The following PDGFRL variants were observed in gnomAD, a reference collection of about 807,000 sequenced individuals.
The protein encoded by PDGFRL is platelet derived growth factor receptor like.
A neutral mutation model predicts 37.2 loss-of-function variants in PDGFRL; 46 were observed. The observed-to-expected ratio is 1.24, with a 90% CI of 0.98 to 1.58. The LOEUF is 1.58. Ranked by LOEUF, PDGFRL falls within the 40% of genes most tolerant of loss-of-function variation. The probability of loss-of-function intolerance (pLI) is 0.00; values close to 1 mark genes in which losing one functional copy is unlikely to be tolerated. For synonymous variants in PDGFRL, 251 were observed against 184.3 expected (o/e 1.36, Z -2.93); for missense variants, 692 against 467.6 (o/e 1.48, Z -4.43).
chr8:17,591,040 G>A (rs3824325), intron 2 of PDGFRL, among the ~76,000 whole-genome samples: 83,630 of 151,776 alleles, frequency 0.55, 25,653 homozygotes, highest in East Asian at 0.77. Context: ...CTGCCACCAC[G>A]CCTGGCTAAT....
intron 2 of PDGFRL, among the ~76,000 whole-genome samples, chr8:17,607,440 C>G (rs1334256076): frequency 1.3e-5 from 2 of 152,168 alleles, no homozygotes; most frequent in Non-Finnish European, 2.9e-5. Context: ...TTCAACAAAA[C>G]ATTTCATTTC....
At chr8:17,619,014 G>A (rs533238528) in intron 2 of PDGFRL, among the ~76,000 whole-genome samples, 1 of 152,210 alleles carries the variant, frequency 6.6e-6, no homozygotes, top group Admixed American at 6.5e-5. Flanking sequence ...CAGAACTGGT[G>A]GACAAAACAA....
intron 2 of PDGFRL, among the ~76,000 whole-genome samples, chr8:17,601,165 A>T (rs1804158684): frequency 6.6e-6 from 1 of 152,176 alleles, no homozygotes; most frequent in South Asian, 2.1e-4. Flanking sequence ...CTATCTAAGC[A>T]TTTCTTGAAT....
chr8:17,607,945 G>A (rs926160672), intron 2 of PDGFRL, among the ~76,000 whole-genome samples: 1 of 152,192 alleles, frequency 6.6e-6, no homozygotes, highest in African/African-American at 2.4e-5. Context: ...TCCAGTGTCC[G>A]GGCTTGGCTG....
At position 17,629,424 on chromosome 8, in the gene PDGFRL, C is replaced by A. The variant is rs79057248; in HGVS notation, c.799+644C>A. ...AAACTCCTTTAGAGCATCCTCCCAG[C>A]CTCTTGGTCTAAACCCAAATCTGCT... On this transcript the variant is annotated intron_variant, in intron 4 of 5. Coordinates refer to ENST00000251630, the MANE Select transcript of PDGFRL (RefSeq NM_001372073.1). Among the ~76,000 whole-genome samples the A allele has an allele frequency of 1.1e-4, 17 of 152,232 alleles. No individual in the cohort carries two copies. In the East Asian group the frequency reaches 3.1e-3, roughly 28 times the overall value.
intron 2 of PDGFRL, among the ~76,000 whole-genome samples, chr8:17,609,698 C>G (rs916825742): frequency 6.7e-6 from 1 of 148,304 alleles, no homozygotes; most frequent in Non-Finnish European, 1.5e-5. Flanking sequence ...CAAACCTCCC[C>G]CAAAAGATTG....
At chr8:17,586,735 A>C (rs1803826189) in intron 1 of PDGFRL, among the ~76,000 whole-genome samples, 1 of 152,170 alleles carries the variant, frequency 6.6e-6, no homozygotes, top group Admixed American at 6.5e-5. Flanking sequence ...TTTAACTCCC[A>C]CAGTAATTAT....
intron 2 of PDGFRL, among the ~76,000 whole-genome samples, chr8:17,606,994 C>T (rs1375813282): frequency 3.4e-5 from 5 of 148,814 alleles, no homozygotes; most frequent in African/African-American, 1.0e-4. Flanking sequence ...CTCCCAGGTT[C>T]AAGCAATTCT....
intron 4 of PDGFRL, among the ~76,000 whole-genome samples, chr8:17,629,782 C>T (rs1405983142): frequency 1.3e-5 from 2 of 152,158 alleles, no homozygotes; most frequent in Non-Finnish European, 2.9e-5. Context: ...ACTGTGACAG[C>T]AACCACCGGG....
intron 4 of PDGFRL, among the ~76,000 whole-genome samples, chr8:17,629,243 C>G (rs535624644): frequency 6.6e-6 from 1 of 152,148 alleles, no homozygotes; most frequent in East Asian, 1.9e-4. Context: ...TTATGCCGTT[C>G]TTAAAGGCTT....
chr8:17,603,430 C>G (rs568509491), intron 2 of PDGFRL, among the ~76,000 whole-genome samples: 2 of 152,164 alleles, frequency 1.3e-5, no homozygotes, highest in Non-Finnish European at 2.9e-5. Context: ...CCCTTCGAGG[C>G]TAATATAAAC....
intron 2 of PDGFRL, among the ~76,000 whole-genome samples, chr8:17,618,916 C>T (rs76660690): frequency 7.7e-6 from 1 of 129,494 alleles, no homozygotes; most frequent in East Asian, 2.4e-4. Flanking sequence ...AGAGTCGATC[C>T]TAATTAGAAG....
At chr8:17,606,516 G>A (rs2517191) in intron 2 of PDGFRL, among the ~76,000 whole-genome samples, 1 of 152,108 alleles carries the variant, frequency 6.6e-6, no homozygotes, top group East Asian at 1.9e-4. Flanking sequence ...ATGACAAATA[G>A]GTGACCTAAC....
chr8:17,639,810 C>A lies in PDGFRL; in HGVS notation c.940-2803C>A, dbSNP rs975442021. On this transcript the variant is annotated intron_variant, in intron 5 of 5. Coordinates refer to ENST00000251630, the MANE Select transcript of PDGFRL (RefSeq NM_001372073.1). ...AGGTGTTCTTTGAGCTTCTTGTATT[C>A]AGATGTGTAGCTCTCTAGCAAGGCC... 2.0e-5 allele frequency among the ~76,000 whole-genome samples: 3 copies of A among 152,140 alleles called. No individual in the cohort carries two copies. The South Asian group carries it at 6.2e-4, about 31-fold the overall frequency.
intron 2 of PDGFRL, among the ~76,000 whole-genome samples, chr8:17,604,782 T>C (rs1015249584): frequency 7.9e-5 from 12 of 152,288 alleles, no homozygotes; most frequent in Middle Eastern, 3.4e-3. Flanking sequence ...AGGGCAATTA[T>C]GAGTCGAGGA....
At chr8:17,628,845 C>G in intron 4 of PDGFRL, 65 bp downstream of exon 4, 2 of 1,079,230 alleles carry the variant, frequency 1.9e-6, no homozygotes, top group South Asian at 1.4e-5. Context: ...TACTGCTGTT[C>G]CCTGCCTGCA....
Position 17,642,714 on chromosome 8 carries a change from T to G in PDGFRL, c.1041T>G (p.Phe347Leu). 7 of 1,605,596 alleles carry G rather than the reference T, an allele frequency of 4.4e-6. No individual in the cohort carries two copies. The highest frequency in any genetic ancestry group is 1.1e-5 in the South Asian group (1 of 90,884). Residue 347 changes from phenylalanine (F) to leucine (L), a missense_variant, in exon 6 of 6, where the codon TTT becomes TTG. Phe to Leu is a conservative substitution (Grantham distance 22). Transcript: ENST00000251630. ...AGAGTGTCATTACAGTGGAAGACTT[T>G]GAGACGATTGATGCAGGATATTACA... ...ISQSVITVED[F>L]ETIDAGYYIC... is the part of the protein sequence containing the mutation.
chr8:17,579,999 G>A (rs143675060), intron 1 of PDGFRL, among the ~76,000 whole-genome samples: 41 of 152,256 alleles, frequency 2.7e-4, no homozygotes, highest in African/African-American at 9.2e-4. Context: ...ACATTGAAAA[G>A]TATAAAATCA....
intron 5 of PDGFRL, among the ~76,000 whole-genome samples, chr8:17,634,676 A>C (rs1402214520): frequency 6.6e-6 from 1 of 152,182 alleles, no homozygotes; most frequent in Non-Finnish European, 1.5e-5. Flanking sequence ...CAGGAACACA[A>C]ATGGAGCTGG....
Sources: gnomAD v4.1 joint callset for allele counts (sites outside exome capture counted in the v4.1 genomes callset) on GRCh38, gnomAD v4.1.1 for gene constraint, MANE v1.5 for transcripts, NCBI Gene and HGNC (gene_info 2026-07-23, HGNC 2026-07-21) for gene names.